Variants in NBEA observed in about 807,000 individuals in gnomAD.
NBEA encodes neurobeachin, also known as lysosomal-trafficking regulator 2.
NBEA carries 44 observed loss-of-function variants against 343.4 expected under a neutral mutation model. That is an observed-to-expected ratio of 0.13 (90% CI 0.10 to 0.16). The LOEUF (loss-of-function observed/expected upper bound fraction) is 0.16, where lower values mean the gene tolerates loss of function less well. Ranked by LOEUF, NBEA falls within the 10% of genes least tolerant of loss-of-function variation. The pLI is 1.00. For missense variants in NBEA, 2,555 were observed against 3,631.3 expected, an observed-to-expected ratio of 0.70 and a Z score of 7.62; for synonymous variants, 1,175 against 1,238.7, an observed-to-expected ratio of 0.95 and a Z score of 1.08.
intron 34 of NBEA, among the ~76,000 whole-genome samples, chr13:35,237,845 A>G (rs936347085): frequency 6.6e-6 from 1 of 152,174 alleles, no homozygotes; most frequent in Non-Finnish European, 1.5e-5. Flanking sequence ...CTTATGGGAT[A>G]ATTAATCCTT....
chr13:35,126,653 T>G (rs971217857), intron 17 of NBEA, among the ~76,000 whole-genome samples: 29 of 152,138 alleles, frequency 1.9e-4, no homozygotes, highest in Non-Finnish European at 2.5e-4. Flanking sequence ...GTGTGCTGGC[T>G]CATGCCTGTA....
chr13:35,029,333 T>C (rs2062123604), intron 1 of NBEA, among the ~76,000 whole-genome samples: 2 of 151,756 alleles, frequency 1.3e-5, no homozygotes, highest in African/African-American at 2.4e-5. Context: ...GAGGAGTTTC[T>C]GGATTAAGTG....
chr13:35,220,865 T>A (rs1228999144), intron 33 of NBEA, among the ~76,000 whole-genome samples: 1 of 152,174 alleles, frequency 6.6e-6, no homozygotes, highest in Non-Finnish European at 1.5e-5. Context: ...TTAGACTTTT[T>A]AAAAATACAT....
intron 41 of NBEA, chr13:35,476,018 C>A (rs139304367): frequency 6.2e-7 from 1 of 1,614,202 alleles, no homozygotes; most frequent in South Asian, 1.1e-5. Flanking sequence ...TCCTTCAGTA[C>A]GTCGGAAACT....
intron 8 of NBEA, among the ~76,000 whole-genome samples, chr13:35,068,916 C>T (rs1265794729): frequency 1.3e-5 from 2 of 152,118 alleles, no homozygotes; most frequent in Non-Finnish European, 2.9e-5. Flanking sequence ...GAGGAAGTCC[C>T]CATCTGGCCC....
At chr13:35,353,072 T>C (rs1387777359) in intron 38 of NBEA, among the ~76,000 whole-genome samples, 2 of 152,170 alleles carry the variant, frequency 1.3e-5, no homozygotes, top group Non-Finnish European at 2.9e-5. Context: ...TGGCAGAGTT[T>C]ATTAAATCTG....
At position 35,352,195 on chromosome 13, in the gene NBEA, A is replaced by G. The variant is rs1447934670; in HGVS notation, c.6051A>G (p.Glu2017=). ...AATATGCTGCTGATAGAAGAGAGGA[A>G]GAAAAGATGTGTGACCATCTTATCA... ...CAQYAADRRE[E]EKMCDHLISA... Residue 2017 remains glutamate (E), a synonymous_variant, in exon 38 of 59, where the codon GAA becomes GAG. Transcript: ENST00000379939. 2 of 1,533,570 alleles carry G rather than the reference A, an allele frequency of 1.3e-6. No individual in the cohort carries two copies. Among genetic ancestry groups the G allele is most frequent in the Non-Finnish European group, 1.8e-6 (2 of 1,134,700 alleles). 95.0% of individuals were successfully genotyped at this position (1,533,570 alleles called of 1,614,324 possible).
intron 46 of NBEA, 103 bp from the exon 47 acceptor site, chr13:35,593,225 G>C (rs1398371671): frequency 7.5e-7 from 1 of 1,324,950 alleles, no homozygotes; most frequent in East Asian, 2.5e-5. Flanking sequence ...ACCCTGATCT[G>C]CCTCCACATC....
At chr13:35,472,963 A>G (rs191613224) in intron 41 of NBEA, among the ~76,000 whole-genome samples, 1 of 152,316 alleles carries the variant, frequency 6.6e-6, no homozygotes. Flanking sequence ...GAGCATTTAG[A>G]TATAAATTAA....
intron 38 of NBEA, among the ~76,000 whole-genome samples, chr13:35,425,380 A>G (rs1011099088): frequency 5.9e-5 from 9 of 152,066 alleles, no homozygotes; most frequent in South Asian, 4.1e-4. Context: ...GAACATCTTT[A>G]TTTCTGCCTT....
chr13:35,103,032 A>C (rs2065726998), intron 11 of NBEA, among the ~76,000 whole-genome samples: 1 of 151,816 alleles, frequency 6.6e-6, no homozygotes, highest in Admixed American at 6.6e-5. Context: ...TTTTAGTTAA[A>C]TTAAGGAATT....
At chr13:35,274,568 C>G (rs937874804) in intron 34 of NBEA, among the ~76,000 whole-genome samples, 17 of 152,292 alleles carry the variant, frequency 1.1e-4, no homozygotes, top group African/African-American at 3.6e-4. Flanking sequence ...AAGAGGAAGT[C>G]AAATTGTCTC....
At chr13:35,286,037 A>C (rs10507423) in intron 34 of NBEA, among the ~76,000 whole-genome samples, 6,044 of 152,150 alleles carry the variant, frequency 0.04, 377 homozygotes, top group African/African-American at 0.14. Flanking sequence ...TCCAACTTAA[A>C]TGTCACATTC....
chr13:35,229,648 G>T (rs1219765560), intron 33 of NBEA, among the ~76,000 whole-genome samples: 1 of 152,052 alleles, frequency 6.6e-6, no homozygotes, highest in Non-Finnish European at 1.5e-5. Context: ...TTTACATTGT[G>T]TGTTTCTTTG....
chr13:35,233,491 C>G (rs555275448), intron 34 of NBEA, among the ~76,000 whole-genome samples: 17 of 152,180 alleles, frequency 1.1e-4, no homozygotes, highest in Admixed American at 2.0e-4. Context: ...AGCTTTGTGG[C>G]CTTTGTGAAT....
chr13:35,642,290 ACAAT>A (rs1248009739), intron 49 of NBEA, among the ~76,000 whole-genome samples: 8 of 152,300 alleles, frequency 5.3e-5, no homozygotes, highest in South Asian at 4.2e-4. Flanking sequence ...AATGTGTCTT[ACAAT>A]CAATCAATCA....
chr13:35,603,331 A>G (rs758380987), intron 47 of NBEA, among the ~76,000 whole-genome samples: 1 of 152,194 alleles, frequency 6.6e-6, no homozygotes. Flanking sequence ...ACCTCACAAA[A>G]TAGGCTCAAA....
In NBEA at chr13:35,125,376, G is replaced by A. The variant is rs189420063; in HGVS notation, c.2336+1802G>A. On this transcript the variant is annotated intron_variant, in intron 17 of 58. Transcript: ENST00000379939. ...AAAGTAGAGTTTCTGAAGATGAGAGGCACACCTTAAATTACAAAAATAGAT... is the reference window on the plus strand; with the variant it reads ...AAAGTAGAGTTTCTGAAGATGAGAGACACACCTTAAATTACAAAAATAGAT... 3.5e-3 allele frequency among the ~76,000 whole-genome samples: 533 copies of A among 152,118 alleles called. 3 individuals are homozygous for A. Among genetic ancestry groups the A allele is most frequent in the Middle Eastern group, 0.01 (3 of 294 alleles).
chr13:35,225,599 C>T (rs976333390), intron 33 of NBEA, among the ~76,000 whole-genome samples: 2 of 152,116 alleles, frequency 1.3e-5, no homozygotes, highest in African/African-American at 2.4e-5. Flanking sequence ...GGCTGGGCAT[C>T]GTTGCAAACG....
Sources: gnomAD v4.1 joint callset for allele counts (sites outside exome capture counted in the v4.1 genomes callset) on GRCh38, gnomAD v4.1.1 for gene constraint, MANE v1.5 for transcripts, NCBI Gene and HGNC (gene_info 2026-07-23, HGNC 2026-07-21) for gene names.